The following DLEC1 variants were observed in gnomAD, a reference collection of about 807,000 sequenced individuals.
The protein encoded by DLEC1 is DLEC1 cilia and flagella associated protein.
A neutral mutation model predicts 198.1 loss-of-function variants in DLEC1; 146 were observed. The ratio of observed to expected loss-of-function variants is 0.74; its 90% CI spans 0.64 to 0.85. The LOEUF (loss-of-function observed/expected upper bound fraction) is 0.85. Among genes scored for constraint, DLEC1 ranks in the 40% least tolerant of loss-of-function variants. The probability of loss-of-function intolerance (pLI) is 0.00; values close to 1 mark genes in which losing one functional copy is unlikely to be tolerated. For synonymous variants in DLEC1, 897 were observed against 866.8 expected (o/e 1.03, Z -0.61); for missense variants, 2,233 against 2,220.0 (o/e 1.01, Z -0.12).
intron 31 of DLEC1, 55 bp from the exon 32 acceptor site, chr3:38,117,472 C>T (rs893867481): frequency 2.5e-6 from 4 of 1,610,848 alleles, no homozygotes; most frequent in Non-Finnish European, 3.4e-6. Context: ...AGAGTGGGGG[C>T]AGCCAGAAGG....
At chr3:38,051,463 C>T (rs573545871) in intron 2 of DLEC1, among the ~76,000 whole-genome samples, 2 of 152,302 alleles carry the variant, frequency 1.3e-5, no homozygotes, top group South Asian at 2.1e-4. Flanking sequence ...ATGGGGCCAT[C>T]GAGGAGGACA....
intron 19 of DLEC1, 151 bp downstream of exon 19, chr3:38,100,576 GAA>G: frequency 8.5e-7 from 1 of 1,171,624 alleles, no homozygotes; most frequent in African/African-American, 1.6e-5. Context: ...TTACAGAAAA[GAA>G]ACTCAAAATG....
chr3:38,111,317 G>A (rs926679627), intron 23 of DLEC1, among the ~76,000 whole-genome samples: 3 of 152,238 alleles, frequency 2.0e-5, no homozygotes, highest in African/African-American at 7.2e-5. Flanking sequence ...TGGGCCTGTT[G>A]CAGAATTCTG....
chr3:38,082,401 G>A (rs1190182293), intron 6 of DLEC1, among the ~76,000 whole-genome samples: 5 of 151,158 alleles, frequency 3.3e-5, no homozygotes, highest in Admixed American at 1.3e-4. Flanking sequence ...GGTGGCGGCC[G>A]GGCAGAGGCT....
intron 2 of DLEC1, among the ~76,000 whole-genome samples, chr3:38,046,777 CT>C: frequency 6.6e-6 from 1 of 152,270 alleles, no homozygotes; most frequent in Non-Finnish European, 1.5e-5. Context: ...CCTACTGTGG[CT>C]TTTTCCCCCC....
chr3:38,103,058 C>T (rs1486967227), intron 19 of DLEC1: 2 of 152,146 alleles, frequency 1.3e-5, no homozygotes, highest in Non-Finnish European at 2.9e-5. Context: ...ATATAGTGGT[C>T]AAGTCAGGGC....
At chr3:38,097,475 C>T in intron 16 of DLEC1, 32 bp from the exon 17 acceptor site, 1 of 1,612,616 alleles carries the variant, frequency 6.2e-7, no homozygotes, top group Non-Finnish European at 8.5e-7. Flanking sequence ...TCTGCTTCTC[C>T]TCTCCACCTC....
intron 6 of DLEC1, among the ~76,000 whole-genome samples, chr3:38,083,800 GTTTT>G (rs11312889): frequency 1.4e-4 from 20 of 146,162 alleles, no homozygotes; most frequent in African/African-American, 5.0e-4. Flanking sequence ...TAATTTTTTT[GTTTT>G]TTTTTTTGGT....
At chr3:38,055,544 A>AG (rs11405492) in intron 2 of DLEC1, among the ~76,000 whole-genome samples, 47,849 of 151,558 alleles carry the variant, frequency 0.32, 7,797 homozygotes, top group East Asian at 0.55. Context: ...CTTATGGTAA[A>AG]GGCATTTCCA....
At chr3:38,062,864 C>G (rs1415434279) in intron 5 of DLEC1, 63 bp downstream of exon 5, 1 of 1,546,662 alleles carries the variant, frequency 6.5e-7, no homozygotes, top group African/African-American at 1.4e-5. Flanking sequence ...CCTAGATGGT[C>G]CTCCGTTTGG....
At chr3:38,062,104 C>A in intron 3 of DLEC1, 65 bp from the exon 4 acceptor site, 1 of 1,553,916 alleles carries the variant, frequency 6.4e-7, no homozygotes, top group South Asian at 1.1e-5. Flanking sequence ...TTTATTTGGT[C>A]ATCTTAGGAA....
chr3:38,054,140 C>G (rs1161123826), intron 2 of DLEC1, among the ~76,000 whole-genome samples: 1 of 152,050 alleles, frequency 6.6e-6, no homozygotes, highest in Non-Finnish European at 1.5e-5. Flanking sequence ...CACTATTGTC[C>G]TATGACCCTG....
chr3:38,052,128 C>T, intron 2 of DLEC1: 1 of 369,818 alleles, frequency 2.7e-6, no homozygotes, highest in Non-Finnish European at 5.5e-6. Flanking sequence ...CCCTGTGCAA[C>T]AGACACTCCA....
chr3:38,098,864 C>T (rs1368614831), intron 18 of DLEC1, among the ~76,000 whole-genome samples: 1 of 152,154 alleles, frequency 6.6e-6, no homozygotes, highest in African/African-American at 2.4e-5. Context: ...CAGTGTGCAT[C>T]AAATTGCCAA....
intron 27 of DLEC1, among the ~76,000 whole-genome samples, 160 bp from the exon 28 acceptor site, chr3:38,116,293 A>C (rs994419554): frequency 6.6e-6 from 1 of 152,188 alleles, no homozygotes; most frequent in African/African-American, 2.4e-5. Flanking sequence ...ATTTTAAATG[A>C]GAATTGCCTG....
intron 6 of DLEC1, among the ~76,000 whole-genome samples, chr3:38,067,514 G>C (rs772818075): frequency 1.3e-5 from 2 of 152,230 alleles, no homozygotes; most frequent in African/African-American, 4.8e-5. Context: ...AATTCAGAGA[G>C]AGCACAATGG....
intron 34 of DLEC1, among the ~76,000 whole-genome samples, chr3:38,121,403 C>A (rs1038266023): frequency 6.6e-6 from 1 of 152,214 alleles, no homozygotes; most frequent in African/African-American, 2.4e-5. Context: ...GTTAGGGAGG[C>A]AGGGACAGCG....
rs78189323 is a variant in DLEC1, at chr3:38,122,305, G to A, written c.5161G>A (p.Glu1721Lys). ...TCCCCACAGGAGTAGTGAGCTGTACGAGTCCACGATGGTGGTGGAAGGTGT... is the reference window on the plus strand; with the variant it reads ...TCCCCACAGGAGTAGTGAGCTGTACAAGTCCACGATGGTGGTGGAAGGTGT... The part of the protein sequence containing the change: ...FFTARSSELY[E>K]STMVVEGVLG... The change falls in exon 37 of 37, where the codon GAG (glutamate) becomes AAG (lysine). Residue 1721 changes from glutamate to lysine, a missense_variant. Glu to Lys is a moderately conservative substitution (Grantham distance 56). Transcript: ENST00000308059. 19 of 1,613,528 alleles carry A rather than the reference G, an allele frequency of 1.2e-5. No homozygotes were observed. The highest frequency in any genetic ancestry group is 1.3e-5 in the African/African-American group (1 of 75,026).
intron 6 of DLEC1, among the ~76,000 whole-genome samples, chr3:38,080,671 C>T (rs1408207639): frequency 2.0e-5 from 3 of 151,886 alleles, no homozygotes; most frequent in Non-Finnish European, 4.4e-5. Flanking sequence ...AGTTGAAGAG[C>T]TTTTAAGTTC....
Sources: gnomAD v4.1 joint callset for allele counts (sites outside exome capture counted in the v4.1 genomes callset) on GRCh38, gnomAD v4.1.1 for gene constraint, MANE v1.5 for transcripts, NCBI Gene and HGNC (gene_info 2026-07-23, HGNC 2026-07-21) for gene names.